Variants in LPA observed in about 807,000 individuals in gnomAD.
LPA encodes the protein lipoprotein(a).
A neutral mutation model predicts 197.9 loss-of-function variants in LPA; 199 were observed. The observed-to-expected ratio is 1.01, with a 90% CI of 0.90 to 1.13. The LOEUF (loss-of-function observed/expected upper bound fraction) is 1.13, where lower values mean the gene tolerates loss of function less well. Among genes scored for constraint, LPA ranks in the 50% most tolerant of loss-of-function variants. LPA has a pLI of 0.00. For missense variants in LPA, 1,853 were observed against 1,785.8 expected, an observed-to-expected ratio of 1.04 and a Z score of -0.68; for synonymous variants, 715 against 639.5, an observed-to-expected ratio of 1.12 and a Z score of -1.78.
At chr6:160,567,210 C>A (rs990844934) in intron 28 of LPA, among the ~76,000 whole-genome samples, 1 of 152,170 alleles carries the variant, frequency 6.6e-6, no homozygotes, top group African/African-American at 2.4e-5. Context: ...AGCACCACAT[C>A]GCACTTATTC....
chr6:160,593,853 A>G, intron 22 of LPA, 105 bp downstream of exon 22: 1 of 1,391,742 alleles, frequency 7.2e-7, no homozygotes, highest in South Asian at 1.2e-5. Flanking sequence ...CCAACATTCC[A>G]GATCTGAGAT....
chr6:160,593,137 A>G lies in LPA; in HGVS notation c.3629+821T>C, dbSNP rs553309120. 4.6e-5 allele frequency among the ~76,000 whole-genome samples: 7 copies of G among 152,192 alleles called. No homozygotes were observed. In the East Asian group the frequency reaches 7.8e-4, roughly 17 times the overall value. ...TACGTCAGATGCCTGAGGCATCACA[A>G]ACTCCAGTCTCTCTCCTCAGTTAAG... On this transcript the variant is annotated intron_variant, in intron 22 of 38. Coordinates refer to ENST00000316300, the MANE Select transcript of LPA (RefSeq NM_005577.4).
At position 160,542,685 on chromosome 6, in the gene LPA, T is replaced by C; in HGVS notation, c.5519+3A>G. On this transcript the variant is annotated splice_donor_region_variant and intron_variant, in intron 34 of 38. Coordinates refer to ENST00000316300, the MANE Select transcript of LPA (RefSeq NM_005577.4). ...TATAGATGGTTTCTGGGCCTGTTCT[T>C]ACCTTGTTCTGAGACTGACTTGCCA... 1 of 1,613,338 alleles carries C rather than the reference T, an allele frequency of 6.2e-7. No homozygotes were observed. The highest frequency in any genetic ancestry group is 1.1e-5 in the South Asian group (1 of 91,052).
chr6:160,552,982 AT>A (rs1424199347), intron 30 of LPA, among the ~76,000 whole-genome samples: 2 of 151,986 alleles, frequency 1.3e-5, no homozygotes, highest in Non-Finnish European at 2.9e-5. Context: ...CTCAGTTTAA[AT>A]TTTTTTGGTT....
chr6:160,590,253 G>A (rs887646699), intron 23 of LPA, among the ~76,000 whole-genome samples: 3 of 152,172 alleles, frequency 2.0e-5, no homozygotes, highest in Admixed American at 6.5e-5. Context: ...TCCCTTGGAG[G>A]GACGGCGGGA....
intron 28 of LPA, among the ~76,000 whole-genome samples, chr6:160,568,766 G>A (rs1298059079): frequency 6.6e-6 from 1 of 152,226 alleles, no homozygotes; most frequent in Admixed American, 6.5e-5. Flanking sequence ...ATCTCCTTAA[G>A]CTGATAAGCA....
In LPA at chr6:160,576,958, C is replaced by T. The variant is rs546890851; in HGVS notation, c.4631+178G>A. ...TCCATAAAACTATTAGGAAAAATAG[C>T]AGGCCTAAAATTTCTCTTCTCTTAG... On this transcript the variant is annotated intron_variant, in intron 28 of 38. Coordinates refer to ENST00000316300, the MANE Select transcript of LPA (RefSeq NM_005577.4). Among the ~76,000 whole-genome samples, 4 of 152,148 alleles carry T rather than the reference C, an allele frequency of 2.6e-5. No individual in the cohort carries two copies. In the South Asian group the frequency reaches 8.3e-4, roughly 32 times the overall value.
chr6:160,584,927 T>C, intron 26 of LPA, 119 bp downstream of exon 26: 1 of 1,023,124 alleles, frequency 9.8e-7, no homozygotes, highest in Non-Finnish European at 1.5e-6. Context: ...TGAGACATTT[T>C]GCTACAAACT....
intron 26 of LPA, among the ~76,000 whole-genome samples, chr6:160,580,675 C>T (rs973274007): frequency 3.3e-5 from 5 of 152,224 alleles, no homozygotes; most frequent in Non-Finnish European, 5.9e-5. Context: ...ATGTTGTGCA[C>T]TTTTTCAGGT....
intron 28 of LPA, among the ~76,000 whole-genome samples, chr6:160,566,120 C>T (rs1778449935): frequency 6.6e-6 from 1 of 152,118 alleles, no homozygotes; most frequent in African/African-American, 2.4e-5. Context: ...GGATATTATC[C>T]AGGAGAACTT....
chr6:160,537,830 ACG>A (rs1777916916), intron 37 of LPA, 23 bp downstream of exon 37: 1 of 1,598,260 alleles, frequency 6.3e-7, no homozygotes, highest in Non-Finnish European at 8.6e-7. Flanking sequence ...ACAATTTGTT[ACG>A]TGGGCAATGG....
intron 1 of LPA, among the ~76,000 whole-genome samples, chr6:160,661,461 T>G (rs114573027): frequency 6.6e-6 from 1 of 152,240 alleles, no homozygotes; most frequent in Non-Finnish European, 1.5e-5. Flanking sequence ...GAAAGGCAGA[T>G]GAACAGATTC....
At chr6:160,583,238 C>G (rs1778833652) in intron 26 of LPA, among the ~76,000 whole-genome samples, 1 of 151,346 alleles carries the variant, frequency 6.6e-6, no homozygotes, top group Admixed American at 6.6e-5. Context: ...GTATGTTTAG[C>G]AAATTTTTAA....
intron 1 of LPA, among the ~76,000 whole-genome samples, chr6:160,658,435 A>G (rs1322840135): frequency 6.6e-6 from 1 of 152,140 alleles, no homozygotes; most frequent in Non-Finnish European, 1.5e-5. Context: ...ATCTTAGCAG[A>G]TTTGTGGCTC....
intron 30 of LPA, among the ~76,000 whole-genome samples, chr6:160,555,570 T>C (rs1364485505): frequency 1.3e-5 from 2 of 150,310 alleles, no homozygotes; most frequent in Non-Finnish European, 3.0e-5. Context: ...TATATATACA[T>C]ACTAGTCTGA....
rs201837428 is a variant in LPA, at chr6:160,578,614, G to A, written c.4380C>T (p.Cys1460=). 5.5e-5 allele frequency: 88 copies of A among 1,613,908 alleles called. No individual in the cohort carries two copies. In the Admixed American group the frequency reaches 6.5e-4, roughly 12 times the overall value. Residue 1460 remains cysteine (C), a synonymous_variant, in exon 27 of 39, where the codon TGC becomes TGT. Coordinates refer to ENST00000316300, the MANE Select transcript of LPA (RefSeq NM_005577.4). ...CTGTCACTGGACATCGTGTCAGGTT[G>A]CAGTACTCCCACCTGACACTGGGAT... is the stretch of plus-strand genomic sequence containing the variant. ...TMDPSVRWEY[C]NLTRCPVTES...
At chr6:160,651,902 C>T (rs543787992) in intron 1 of LPA, among the ~76,000 whole-genome samples, 1 of 151,710 alleles carries the variant, frequency 6.6e-6, no homozygotes, top group South Asian at 2.1e-4. Flanking sequence ...ATGAAGAATT[C>T]TCTGAATGCA....
intron 26 of LPA, among the ~76,000 whole-genome samples, chr6:160,584,060 C>T (rs147706970): frequency 6.7e-4 from 102 of 152,172 alleles, no homozygotes; most frequent in Admixed American, 1.7e-3. Context: ...ATCTGCATTC[C>T]TGCTTTTACT....
chr6:160,585,120 T>A lies in LPA; in HGVS notation c.4215A>T (p.Thr1405=), dbSNP rs1194780128. The part of the protein sequence containing the change: ...SYRGTLSTTI[T]GRTCQSWSSM... ...ACGACCAAGACTGACATGTTCTTCC[T>A]GTGATAGTGGTGGAGAGTGTGCCTC... The change falls in exon 26 of 39, where the codon ACA becomes ACT. Residue 1405 remains threonine, a synonymous_variant. Transcript: ENST00000316300. The A allele has an allele frequency of 6.2e-7, 1 of 1,613,786 alleles. No individual in the cohort carries two copies. The highest frequency in any genetic ancestry group is 8.5e-7 in the Non-Finnish European group (1 of 1,179,836).
Sources: gnomAD v4.1 joint callset for allele counts (sites outside exome capture counted in the v4.1 genomes callset) on GRCh38, gnomAD v4.1.1 for gene constraint, MANE v1.5 for transcripts, NCBI Gene and HGNC (gene_info 2026-07-23, HGNC 2026-07-21) for gene names.